Variants in ERC2 observed in about 807,000 individuals in gnomAD.
ERC2 encodes the protein ELKS/RAB6-interacting/CAST family member 2.
In ERC2, 42 loss-of-function variants were observed where a neutral mutation model predicts 114.8. That is an observed-to-expected ratio of 0.37 (90% CI 0.29 to 0.47). The LOEUF (loss-of-function observed/expected upper bound fraction) is 0.47. Among genes scored for constraint, ERC2 ranks in the 20% least tolerant of loss-of-function variants. ERC2 has a pLI of 0.99. For synonymous variants in ERC2, 454 were observed against 425.5 expected, an observed-to-expected ratio of 1.07 and a Z score of -0.82; for missense variants, 939 against 1,150.7, an observed-to-expected ratio of 0.82 and a Z score of 2.66.
intron 3 of ERC2, among the ~76,000 whole-genome samples, chr3:56,254,788 C>G (rs1244882853): frequency 6.6e-6 from 1 of 152,102 alleles, no homozygotes; most frequent in Non-Finnish European, 1.5e-5. Flanking sequence ...ATAGTCTCTG[C>G]CTCACAATAT....
At chr3:56,139,718 G>GC in intron 5 of ERC2, 42 bp from the exon 6 acceptor site, 1 of 1,544,616 alleles carries the variant, frequency 6.5e-7, no homozygotes, top group Non-Finnish European at 8.8e-7. Flanking sequence ...AGAAATTGCT[G>GC]CCCCTACACT....
At chr3:55,538,556 A>C (rs997878410) in intron 17 of ERC2, among the ~76,000 whole-genome samples, 6 of 152,180 alleles carry the variant, frequency 3.9e-5, no homozygotes, top group African/African-American at 1.4e-4. Context: ...TTTAATTTTT[A>C]GTCTTTGTTG....
intron 3 of ERC2, among the ~76,000 whole-genome samples, chr3:56,220,525 C>T (rs981856235): frequency 3.3e-5 from 5 of 152,192 alleles, no homozygotes; most frequent in Non-Finnish European, 7.3e-5. Flanking sequence ...GTCTCTCAGT[C>T]GACTCACGGC....
rs529268711 is a variant in ERC2, at chr3:55,740,560, G to A, written c.2565-5642C>T. 7.9e-5 allele frequency among the ~76,000 whole-genome samples: 12 copies of A among 152,094 alleles called. 1 individual carries two copies. Among genetic ancestry groups the A allele is most frequent in the Admixed American group, 7.9e-4 (12 of 15,272 alleles). On this transcript the variant is annotated intron_variant, in intron 14 of 17. Transcript: ENST00000288221. ...AATTCTAGTCCATTTAAATCAAAGG[G>A]TCATTAGTATAAGATAAAAAGGTAT... is the stretch of plus-strand genomic sequence containing the variant.
At chr3:55,683,669 C>T (rs1247805512) in intron 17 of ERC2, 125 bp downstream of exon 17, 8 of 794,762 alleles carry the variant, frequency 1.0e-5, no homozygotes, top group African/African-American at 8.9e-5. Context: ...ATTCTGCGCT[C>T]ACAGAACACA....
intron 17 of ERC2, among the ~76,000 whole-genome samples, chr3:55,526,047 G>C (rs1325760366): frequency 1.3e-5 from 2 of 152,158 alleles, no homozygotes; most frequent in Non-Finnish European, 2.9e-5. Flanking sequence ...TCTTAGAAGA[G>C]GAAAAATTGG....
rs186033149 is a variant in ERC2 at position 55,842,603 on chromosome 3, G to A, written c.2564+45786C>T. Among the ~76,000 whole-genome samples the A allele has an allele frequency of 2.7e-3, 412 of 152,056 alleles. 4 individuals carry two copies. The highest frequency in any genetic ancestry group is 6.8e-3 in the Middle Eastern group (2 of 294). On this transcript the variant is annotated intron_variant, in intron 14 of 17. Coordinates refer to ENST00000288221, the MANE Select transcript of ERC2 (RefSeq NM_015576.3). ...GCTCTGGTTAAATATAGGTTGCTAG[G>A]AATTGGGGTGGAAATTTTTTTTTTT... is the stretch of plus-strand genomic sequence containing the variant.
At chr3:56,170,515 A>C (rs1276871109) in intron 4 of ERC2, among the ~76,000 whole-genome samples, 1 of 151,012 alleles carries the variant, frequency 6.6e-6, no homozygotes, top group Non-Finnish European at 1.5e-5. Context: ...GCTCACCCTT[A>C]GTTCCTCTAA....
chr3:56,390,913 G>A (rs1316480435), intron 2 of ERC2, among the ~76,000 whole-genome samples: 1 of 152,196 alleles, frequency 6.6e-6, no homozygotes, highest in Non-Finnish European at 1.5e-5. Context: ...CAGCCTAATA[G>A]AGCTGTGAGC....
At chr3:55,571,856 A>T (rs2056732501) in intron 17 of ERC2, among the ~76,000 whole-genome samples, 1 of 152,222 alleles carries the variant, frequency 6.6e-6, no homozygotes, top group Non-Finnish European at 1.5e-5. Flanking sequence ...TAATACCTGC[A>T]GGGGGTACTG....
intron 6 of ERC2, among the ~76,000 whole-genome samples, chr3:56,101,411 A>C (rs780025349): frequency 1.5e-4 from 23 of 152,220 alleles, no homozygotes; most frequent in Admixed American, 5.2e-4. Context: ...ACAGATGAGG[A>C]GTTTCATTCT....
intron 7 of ERC2, among the ~76,000 whole-genome samples, chr3:56,078,144 C>G (rs9865958): frequency 0.2 from 30,207 of 152,016 alleles, 3,362 homozygotes; most frequent in African/African-American, 0.3. Context: ...AGTAATCTCT[C>G]CTGAGCTCTC....
chr3:56,237,939 T>C (rs1260793518), intron 3 of ERC2, among the ~76,000 whole-genome samples: 1 of 151,444 alleles, frequency 6.6e-6, no homozygotes, highest in Non-Finnish European at 1.5e-5. Context: ...ATTCAAATTA[T>C]AATATTGGCA....
chr3:56,360,078 T>TC (rs2058891890), intron 2 of ERC2, among the ~76,000 whole-genome samples: 1 of 149,110 alleles, frequency 6.7e-6, no homozygotes, highest in Non-Finnish European at 1.5e-5. Flanking sequence ...TTTTTTTTTT[T>TC]TTTTGAGACG....
intron 13 of ERC2, among the ~76,000 whole-genome samples, chr3:55,937,103 G>A (rs2066491317): frequency 6.6e-6 from 1 of 152,180 alleles, no homozygotes; most frequent in Non-Finnish European, 1.5e-5. Context: ...CATTTTGGGA[G>A]GCCAAGTGGG....
intron 14 of ERC2, among the ~76,000 whole-genome samples, chr3:55,805,475 C>T (rs138447504): frequency 7.9e-5 from 12 of 151,790 alleles, no homozygotes; most frequent in Non-Finnish European, 1.8e-4. Flanking sequence ...TATCCAATCA[C>T]CATGTGAACA....
intron 17 of ERC2, among the ~76,000 whole-genome samples, chr3:55,519,225 C>T (rs2052736203): frequency 6.6e-6 from 1 of 152,192 alleles, no homozygotes; most frequent in South Asian, 2.1e-4. Flanking sequence ...GTCTAGAACT[C>T]CCACTCCCTG....
chr3:56,145,205 G>C (rs1246427623), intron 5 of ERC2, among the ~76,000 whole-genome samples: 1 of 152,198 alleles, frequency 6.6e-6, no homozygotes, highest in Non-Finnish European at 1.5e-5. Context: ...TTTGGGTTAG[G>C]AGGTTTGTAA....
chr3:55,717,814 G>A (rs1389510384), intron 15 of ERC2, among the ~76,000 whole-genome samples: 2 of 152,134 alleles, frequency 1.3e-5, no homozygotes, highest in Non-Finnish European at 2.9e-5. Context: ...GACTTCAGAT[G>A]GCTCAAGGTG....
Sources: allele counts gnomAD v4.1 joint callset (sites outside exome capture counted in the v4.1 genomes callset), GRCh38; gene constraint gnomAD v4.1.1; transcripts MANE v1.5; gene names NCBI Gene and HGNC (gene_info 2026-07-23, HGNC 2026-07-21).